The following TMEM178B variants were observed in gnomAD, a reference collection of about 807,000 sequenced individuals.
The protein encoded by TMEM178B is transmembrane protein 178B.
In TMEM178B, 5 loss-of-function variants were observed where a neutral mutation model predicts 31.0. The ratio of observed to expected loss-of-function variants is 0.16; its 90% CI spans 0.08 to 0.34. The LOEUF is 0.34. Ranked by LOEUF, TMEM178B falls within the 10% of genes least tolerant of loss-of-function variation. TMEM178B has a pLI of 1.00. For synonymous variants in TMEM178B, 164 were observed against 164.0 expected (o/e 1.00, Z 0.00); for missense variants, 275 against 400.3 (o/e 0.69, Z 2.67).
intron 2 of TMEM178B, among the ~76,000 whole-genome samples, chr7:141,362,945 C>T (rs930385410): frequency 3.3e-5 from 5 of 152,170 alleles, no homozygotes; most frequent in South Asian, 4.2e-4. Flanking sequence ...CAGATATGGC[C>T]GGAACCATGG....
chr7:141,198,364 C>T (rs781525645), intron 1 of TMEM178B, among the ~76,000 whole-genome samples: 5 of 152,296 alleles, frequency 3.3e-5, no homozygotes, highest in Non-Finnish European at 7.3e-5. Flanking sequence ...GAGGTGGCAG[C>T]GGCAGAGCCC....
intron 2 of TMEM178B, among the ~76,000 whole-genome samples, chr7:141,378,839 C>T (rs1259527019): frequency 6.6e-6 from 1 of 152,248 alleles, no homozygotes; most frequent in Non-Finnish European, 1.5e-5. Flanking sequence ...TGCCAGCCAA[C>T]TTCTCTTCCC....
At chr7:141,090,474 C>T (rs753971271) in intron 1 of TMEM178B, among the ~76,000 whole-genome samples, 3 of 152,172 alleles carry the variant, frequency 2.0e-5, no homozygotes, top group Non-Finnish European at 4.4e-5. Context: ...CTCTCTCAAA[C>T]GTTGTTGAGA....
At chr7:141,292,693 A>C (rs530384193) in intron 2 of TMEM178B, among the ~76,000 whole-genome samples, 14 of 140,222 alleles carry the variant, frequency 1.0e-4, no homozygotes, top group African/African-American at 3.8e-4. Flanking sequence ...GCTGGAGCAC[A>C]CTGGTGCGAC....
chr7:141,080,216 AC>A (rs996060813), intron 1 of TMEM178B, among the ~76,000 whole-genome samples: 8 of 152,236 alleles, frequency 5.3e-5, no homozygotes, highest in Non-Finnish European at 2.9e-5. Context: ...CATGAAGGAC[AC>A]ATTCATTCAT....
chr7:141,448,705 T>C (rs1408685185), intron 3 of TMEM178B, among the ~76,000 whole-genome samples: 1 of 152,126 alleles, frequency 6.6e-6, no homozygotes, highest in Non-Finnish European at 1.5e-5. Flanking sequence ...CCCAGTGCCC[T>C]CCCACCTGGC....
At chr7:141,105,301 A>G (rs1029886230) in intron 1 of TMEM178B, among the ~76,000 whole-genome samples, 13 of 152,182 alleles carry the variant, frequency 8.5e-5, no homozygotes, top group Admixed American at 7.2e-4. Context: ...TGAGGTCAGG[A>G]GTTCAAGACC....
intron 2 of TMEM178B, among the ~76,000 whole-genome samples, chr7:141,345,407 G>A (rs1799601144): frequency 6.6e-6 from 1 of 152,194 alleles, no homozygotes; most frequent in African/African-American, 2.4e-5. Context: ...GAAAAGTAGG[G>A]TATCTCCTTC....
chr7:141,188,151 A>T (rs936553673), intron 1 of TMEM178B, among the ~76,000 whole-genome samples: 2 of 152,294 alleles, frequency 1.3e-5, no homozygotes, highest in African/African-American at 4.8e-5. Flanking sequence ...TTTTAAAGTG[A>T]CTTTCAGTAT....
At chr7:141,340,736 C>T (rs1427386146) in intron 2 of TMEM178B, among the ~76,000 whole-genome samples, 1 of 152,184 alleles carries the variant, frequency 6.6e-6, no homozygotes, top group South Asian at 2.1e-4. Context: ...CATACCTTGA[C>T]ATGAAACTGT....
chr7:141,300,193 C>G (rs529118605), intron 2 of TMEM178B, among the ~76,000 whole-genome samples: 14 of 152,162 alleles, frequency 9.2e-5, no homozygotes, highest in Non-Finnish European at 1.8e-4. Flanking sequence ...GTGGCTGCTC[C>G]CTCTAGGATG....
intron 2 of TMEM178B, chr7:141,416,135 G>C (rs117550852): frequency 6.5e-6 from 1 of 152,918 alleles, no homozygotes; most frequent in East Asian, 1.9e-4. Context: ...CTTGTGCTGA[G>C]TCTTCTGAGC....
intron 3 of TMEM178B, among the ~76,000 whole-genome samples, chr7:141,465,907 C>A (rs909460459): frequency 6.6e-6 from 1 of 152,084 alleles, no homozygotes; most frequent in Non-Finnish European, 1.5e-5. Flanking sequence ...CCTGTAGTCC[C>A]AGCTACTAGG....
rs71170797 is a variant in TMEM178B at position 141,432,146 on chromosome 7, C to CTTTTTTTTTTTTTTTT, written c.497-5449_497-5434dup. Among the ~76,000 whole-genome samples, 89 of 79,082 alleles carry CTTTTTTTTTTTTTTTT rather than the reference C, an allele frequency of 1.1e-3. 7 individuals carry two copies. Among genetic ancestry groups the CTTTTTTTTTTTTTTTT allele is most frequent in the African/African-American group, 2.8e-3 (55 of 19,638 alleles). The allele number at this position is 79,082 out of a possible 152,430, so 51.9% of individuals were successfully genotyped here. A position where few individuals can be genotyped will look rare whatever the true frequency, so the allele number is the denominator to read the frequency against. ...TTTCTTTTTCTCTCCTTCACTGCATCTTTTTTTTTTTTTTTTTTTTTTTTT... is the reference window on the plus strand; with the variant it reads ...TTTCTTTTTCTCTCCTTCACTGCATCTTTTTTTTTTTTTTTTTTTTTTTTTTTTTTTTTTTTTTTTT... On this transcript the variant is annotated intron_variant, in intron 2 of 3. Transcript: ENST00000565468.
intron 3 of TMEM178B, among the ~76,000 whole-genome samples, chr7:141,466,567 C>T (rs1042013472): frequency 2.0e-5 from 3 of 152,194 alleles, no homozygotes; most frequent in Non-Finnish European, 4.4e-5. Context: ...TCCAGCATAG[C>T]ATGGCTTTTG....
At chr7:141,310,179 T>C (rs1233109590) in intron 2 of TMEM178B, among the ~76,000 whole-genome samples, 1 of 152,116 alleles carries the variant, frequency 6.6e-6, no homozygotes, top group Non-Finnish European at 1.5e-5. Flanking sequence ...ATTTTTGCAA[T>C]CTATCCATCT....
intron 2 of TMEM178B, among the ~76,000 whole-genome samples, chr7:141,277,514 C>T (rs1258575200): frequency 6.6e-6 from 1 of 152,152 alleles, no homozygotes; most frequent in African/African-American, 2.4e-5. Context: ...CCTGAAGGAC[C>T]TGCCTGAGGC....
chr7:141,392,312 C>T (rs1262190348), intron 2 of TMEM178B, among the ~76,000 whole-genome samples: 4 of 152,192 alleles, frequency 2.6e-5, no homozygotes, highest in African/African-American at 9.6e-5. Context: ...GCACAAAATT[C>T]TGATACTTAT....
chr7:141,189,837 A>G (rs1796668933), intron 1 of TMEM178B, among the ~76,000 whole-genome samples: 1 of 152,124 alleles, frequency 6.6e-6, no homozygotes. Context: ...GATGGTCTCG[A>G]CCAAGAACCA....
Sources: gnomAD v4.1 joint callset for allele counts (sites outside exome capture counted in the v4.1 genomes callset) on GRCh38, gnomAD v4.1.1 for gene constraint, MANE v1.5 for transcripts, NCBI Gene and HGNC (gene_info 2026-07-23, HGNC 2026-07-21) for gene names.